NUDT11: variants seen among roughly 807,000 people sequenced by gnomAD.
NUDT11 encodes the protein nudix hydrolase 11.
NUDT11 carries 1 observed loss-of-function variant against 10.0 expected under a neutral mutation model. That is an observed-to-expected ratio of 0.10 (90% CI 0.04 to 0.47). NUDT11 has a LOEUF of 0.47. NUDT11 is among the 20% of genes least tolerant of loss of function. NUDT11 has a pLI of 0.96. For missense variants in NUDT11, 47 were observed against 140.4 expected (o/e 0.33, Z 3.36); for synonymous variants, 63 against 65.9 (o/e 0.96, Z 0.21).
At position 51,490,192 on chromosome X, in the gene NUDT11, A is replaced by AT. The variant is rs1925562696; in HGVS notation, c.*1556dup. 8.9e-6 allele frequency: 1 copy of AT among 111,756 alleles called. No individual in the cohort carries two copies. The highest frequency in any genetic ancestry group is 1.9e-5 in the Non-Finnish European group (1 of 53,177). The allele number at this position is 111,756 out of a possible 1,213,427, so 9.2% of individuals were successfully genotyped here. On this transcript the variant is annotated 3_prime_UTR_variant, in exon 2 of 2. Transcript: ENST00000375992. The stretch of plus-strand genomic sequence containing the variant: ...TGATTTTGAAGCGAATACCAGTAAC[A>AT]TATCATTTCACCTGTACATTTTTCA...
Position 51,491,297 on chromosome X carries a change from A to T in NUDT11, c.*452T>A, listed in dbSNP as rs1243299463. The T allele has an allele frequency of 8.3e-6, 1 of 119,797 alleles. No individual in the cohort carries two copies. The highest frequency in any genetic ancestry group is 1.7e-5 in the Non-Finnish European group (1 of 57,520). The allele number at this position is 119,797 out of a possible 1,213,427, so 9.9% of individuals were successfully genotyped here. A position where few individuals can be genotyped will look rare whatever the true frequency, so the allele number is the denominator to read the frequency against. ...CACCTGATACACAAAAGCCACACACATGGTGCCTAGATAGCATATACTCTA... is the reference window on the plus strand; with the variant it reads ...CACCTGATACACAAAAGCCACACACTTGGTGCCTAGATAGCATATACTCTA... On this transcript the variant is annotated 3_prime_UTR_variant, in exon 2 of 2. Transcript: ENST00000375992.
Position 51,496,367 on chromosome X carries a change from C to G in NUDT11, c.78G>C (p.Arg26=). 2.5e-6 allele frequency: 3 copies of G among 1,209,544 alleles called. No individual in the cohort carries two copies. Among genetic ancestry groups the G allele is most frequent in the Non-Finnish European group, 3.4e-6 (3 of 894,628 alleles). Residue 26 remains arginine (R), a synonymous_variant, in exon 1 of 2, where the codon CGG becomes CGC. Coordinates refer to ENST00000375992, the MANE Select transcript of NUDT11 (RefSeq NM_018159.4). The part of the protein sequence containing the change: ...FKKRAACLCF[R]SEREDEVLLV... Reference sequence around the variant, plus strand: ...ACAGGACCTCGTCCTCGCGTTCGCTCCGGAAGCACAGGCACGCCGCCCGCT... The same window carrying G: ...ACAGGACCTCGTCCTCGCGTTCGCTGCGGAAGCACAGGCACGCCGCCCGCT...
chrX:51,490,841 A>G lies in NUDT11; in HGVS notation c.*908T>C, dbSNP rs1925577817. Reference sequence around the variant, plus strand: ...GCATAATTAAGTTTGGAAACTGCCTATGATATAGCCTGTTGGCTCTGGCAT... The same window carrying G: ...GCATAATTAAGTTTGGAAACTGCCTGTGATATAGCCTGTTGGCTCTGGCAT... On this transcript the variant is annotated 3_prime_UTR_variant, in exon 2 of 2. Transcript: ENST00000375992. 1 of 112,162 alleles carries G rather than the reference A, an allele frequency of 8.9e-6. No homozygotes were observed. The highest frequency in any genetic ancestry group is 3.7e-4 in the South Asian group (1 of 2,723). The allele number at this position is 112,162 out of a possible 1,213,427, so 9.2% of individuals were successfully genotyped here. A position where few individuals can be genotyped will look rare whatever the true frequency, so the allele number is the denominator to read the frequency against.
intron 1 of NUDT11, among the ~76,000 whole-genome samples, chrX:51,492,276 T>C (rs1029186750): frequency 8.9e-6 from 1 of 111,818 alleles, no homozygotes; most frequent in African/African-American, 3.2e-5. Context: ...GATAGTTAGA[T>C]AACTTGGCTT....
intron 1 of NUDT11, among the ~76,000 whole-genome samples, chrX:51,495,121 C>A (rs1373504484): frequency 7.2e-5 from 8 of 111,793 alleles, no homozygotes; most frequent in Middle Eastern, 4.6e-3. Flanking sequence ...GCAGATCCTC[C>A]GCAGCATCTA....
rs2146658777 is a variant in NUDT11 at position 51,491,068 on chromosome X, G to A, written c.*681C>T. On this transcript the variant is annotated 3_prime_UTR_variant, in exon 2 of 2. Transcript: ENST00000375992. ...TTTTACAATTACCTTTATAGCAAGT[G>A]ATAGTTTTTGAATAAAATTTAAGCA... is the stretch of plus-strand genomic sequence containing the variant. 1 of 112,384 alleles carries A rather than the reference G, an allele frequency of 8.9e-6. No individual in the cohort carries two copies. The highest frequency in any genetic ancestry group is 3.8e-4 in the South Asian group (1 of 2,651). 9.3% of individuals were successfully genotyped at this position (112,384 alleles called of 1,213,427 possible). A position where few individuals can be genotyped will look rare whatever the true frequency, so the allele number is the denominator to read the frequency against.
At chrX:51,493,354 G>T (rs1375011567) in intron 1 of NUDT11, among the ~76,000 whole-genome samples, 1 of 111,213 alleles carries the variant, frequency 9.0e-6, no homozygotes, top group Non-Finnish European at 1.9e-5. Flanking sequence ...ACATTTTTCT[G>T]CTATCACAAA....
rs1250345587 is a variant in NUDT11 at position 51,490,217 on chromosome X, A to C, written c.*1532T>G. The C allele has an allele frequency of 2.7e-5, 3 of 111,703 alleles. No homozygotes were observed. The highest frequency in any genetic ancestry group is 5.6e-5 in the Non-Finnish European group (3 of 53,192). The allele number at this position is 111,703 out of a possible 1,213,427, so 9.2% of individuals were successfully genotyped here. ...ATATCATTTCACCTGTACATTTTTC[A>C]GTATACTTCTCTAAAAGATAATCAT... On this transcript the variant is annotated 3_prime_UTR_variant, in exon 2 of 2. Coordinates refer to ENST00000375992, the MANE Select transcript of NUDT11 (RefSeq NM_018159.4).
rs1925570665 is a variant in NUDT11, at chrX:51,490,489, G to A, written c.*1260C>T. The A allele has an allele frequency of 8.9e-6, 1 of 111,746 alleles. No individual in the cohort carries two copies. The highest frequency in any genetic ancestry group is 3.3e-5 in the African/African-American group (1 of 30,754). 9.2% of individuals were successfully genotyped at this position (111,746 alleles called of 1,213,427 possible). ...CACTTTTGGTAATTTGTAAGGAGCT[G>A]AAGACTGCTGATATCACACATCCCA... On this transcript the variant is annotated 3_prime_UTR_variant, in exon 2 of 2. Transcript: ENST00000375992.
At position 51,496,367 on chromosome X, in the gene NUDT11, C is replaced by T. The variant is rs1925709406; in HGVS notation, c.78G>A (p.Arg26=). The T allele has an allele frequency of 2.5e-6, 3 of 1,209,544 alleles. No individual in the cohort carries two copies. The highest frequency in any genetic ancestry group is 3.0e-5 in the East Asian group (1 of 33,732). The change falls in exon 1 of 2, where the codon CGG becomes CGA. Residue 26 remains arginine (R), a synonymous_variant. Coordinates refer to ENST00000375992, the MANE Select transcript of NUDT11 (RefSeq NM_018159.4). ...ACAGGACCTCGTCCTCGCGTTCGCT[C>T]CGGAAGCACAGGCACGCCGCCCGCT... ...FKKRAACLCF[R]SEREDEVLLV... is the part of the protein sequence containing the mutation.
Position 51,496,247 on chromosome X carries a change from C to T in NUDT11, c.198G>A (p.Val66=), listed in dbSNP as rs370365928. ...TCCCCTTGACTCCCGCTTCTTCGTA[C>T]ACCTCTCGGACCGCCGCACCGCCCG... is the stretch of plus-strand genomic sequence containing the variant. ...EEPGGAAVRE[V]YEEAGVKGKL... Residue 66 remains valine (V), a synonymous_variant, in exon 1 of 2, where the codon GTG becomes GTA. Transcript: ENST00000375992. 1.3e-3 allele frequency: 1,610 copies of T among 1,209,331 alleles called. 3 individuals are homozygous for T. Among genetic ancestry groups the T allele is most frequent in the Non-Finnish European group, 1.3e-3 (1,202 of 894,922 alleles).
chrX:51,493,107 A>G (rs1050705477), intron 1 of NUDT11, among the ~76,000 whole-genome samples: 20 of 112,653 alleles, frequency 1.8e-4, no homozygotes, highest in African/African-American at 6.5e-4. Context: ...AAACACACAC[A>G]TACTTCTTGA....
intron 1 of NUDT11, 58 bp downstream of exon 1, chrX:51,495,893 G>A (rs1925692725): frequency 2.5e-6 from 3 of 1,187,287 alleles, no homozygotes; most frequent in Non-Finnish European, 3.4e-6. Context: ...CTCCAGGCGG[G>A]ACGCATTTTA....
intron 1 of NUDT11, among the ~76,000 whole-genome samples, chrX:51,493,565 A>G (rs2146659776): frequency 8.9e-6 from 1 of 111,919 alleles, no homozygotes; most frequent in African/African-American, 3.2e-5. Context: ...GTTTTTCAAA[A>G]CATTTTCTGT....
At chrX:51,495,869 T>C (rs1925691715) in intron 1 of NUDT11, 82 bp downstream of exon 1, 9 of 1,158,859 alleles carry the variant, frequency 7.8e-6, no homozygotes, top group East Asian at 3.0e-5. Context: ...AGACCGCACA[T>C]GGCACGAGAG....
chrX:51,493,934 G>C (rs186532181), intron 1 of NUDT11, among the ~76,000 whole-genome samples: 33 of 111,665 alleles, frequency 3.0e-4, no homozygotes, highest in African/African-American at 1.0e-3. Context: ...AATCGTGACA[G>C]TGTTTCATGT....
chrX:51,493,705 T>G (rs1925641494), intron 1 of NUDT11, among the ~76,000 whole-genome samples: 1 of 109,964 alleles, frequency 9.1e-6, no homozygotes, highest in Non-Finnish European at 1.9e-5. Flanking sequence ...AATTTAACAG[T>G]ACGCCTTGAA....
chrX:51,494,338 A>C (rs1290042256), intron 1 of NUDT11, among the ~76,000 whole-genome samples: 1 of 112,271 alleles, frequency 8.9e-6, no homozygotes, highest in Admixed American at 9.5e-5. Flanking sequence ...AACTGTTGTA[A>C]GTTTTAAAAA....
At position 51,496,589 on chromosome X, in the gene NUDT11, G is replaced by A. The variant is rs1925717027; in HGVS notation, c.-145C>T. 5.0e-6 allele frequency: 5 copies of A among 1,001,844 alleles called. No individual in the cohort carries two copies. The highest frequency in any genetic ancestry group is 6.6e-6 in the Non-Finnish European group (5 of 756,801). The allele number at this position is 1,001,844 out of a possible 1,213,427, so 82.6% of individuals were successfully genotyped here. On this transcript the variant is annotated 5_prime_UTR_variant, in exon 1 of 2. The change creates a new upstream start codon in the 5' untranslated region. Coordinates refer to ENST00000375992, the MANE Select transcript of NUDT11 (RefSeq NM_018159.4). ...GGGGCGGGGAAAGAGAGGCGCCTCC[G>A]TCTGCCCGCGAGCCCGGGGAGCGGA...
Sources: allele counts gnomAD v4.1 joint callset (sites outside exome capture counted in the v4.1 genomes callset), GRCh38; gene constraint gnomAD v4.1.1; transcripts MANE v1.5; gene names NCBI Gene and HGNC (gene_info 2026-07-23, HGNC 2026-07-21).